Variants in CRMP1 observed in about 807,000 individuals in gnomAD.
The protein encoded by CRMP1 is dihydropyrimidinase-related protein 1.
CRMP1 carries 19 observed loss-of-function variants against 68.3 expected under a neutral mutation model. The observed-to-expected ratio is 0.28, with a 90% CI of 0.19 to 0.41. The LOEUF (loss-of-function observed/expected upper bound fraction) is 0.41, where lower values mean the gene tolerates loss of function less well. CRMP1 is among the 10% of genes least tolerant of loss of function. The pLI is 1.00. For synonymous variants in CRMP1, 439 were observed against 399.6 expected (o/e 1.10, Z -1.18); for missense variants, 791 against 967.4 (o/e 0.82, Z 2.42).
chr4:5,843,322 T>C lies in CRMP1; in HGVS notation c.964-161A>G, dbSNP rs1711932688. On this transcript the variant is annotated intron_variant, in intron 6 of 13. Transcript: ENST00000324989. The surrounding 1 kb of genome is among the most constrained non-coding windows in gnomAD (Gnocchi z 4.1). ...TGCGGGGTGGGGGCAGTGAACTGTG[T>C]CCCCTCCACTACACACCCATCCACC... 1.3e-5 allele frequency among the ~76,000 whole-genome samples: 2 copies of C among 151,930 alleles called. No homozygotes were observed. The highest frequency in any genetic ancestry group is 4.2e-4 in the South Asian group (2 of 4,802).
Position 5,841,556 on chromosome 4 carries a change from G to T in CRMP1, c.1033-128C>A. The T allele has an allele frequency of 6.9e-7, 1 of 1,443,268 alleles. No homozygotes were observed. The highest frequency in any genetic ancestry group is 9.5e-7 in the Non-Finnish European group (1 of 1,054,448). The allele number at this position is 1,443,268 out of a possible 1,614,324, so 89.4% of individuals were successfully genotyped here. On this transcript the variant is annotated intron_variant, in intron 7 of 13. Coordinates refer to ENST00000324989, the MANE Select transcript of CRMP1 (RefSeq NM_001014809.3). This position sits in a 1 kb window ranked among gnomAD's most constrained non-coding sequence, Gnocchi z 6.9. ...CCATTGAATGAGAAGGACATACTGA[G>T]TCCAACAGCGCTTGACAGTGCCCCC...
At chr4:5,864,102 G>A (rs1003050073) in intron 2 of CRMP1, among the ~76,000 whole-genome samples, 1 of 152,174 alleles carries the variant, frequency 6.6e-6, no homozygotes, top group African/African-American at 2.4e-5. Flanking sequence ...GACTCTTGAT[G>A]TTGACACATA....
chr4:5,885,919 T>C (rs182487687), intron 1 of CRMP1, among the ~76,000 whole-genome samples: 14 of 134,606 alleles, frequency 1.0e-4, no homozygotes, highest in Admixed American at 9.1e-4. Context: ...CACGTTAAGG[T>C]GCAGCCATTT....
At chr4:5,836,352 A>G (rs756116323) in intron 10 of CRMP1, among the ~76,000 whole-genome samples, 3 of 152,184 alleles carry the variant, frequency 2.0e-5, no homozygotes, top group Non-Finnish European at 4.4e-5. Flanking sequence ...ACAGAAGATT[A>G]AAAACCTTTG....
Position 5,853,037 on chromosome 4 carries a change from G to A in CRMP1, c.821-1568C>T, listed in dbSNP as rs1049298790. On this transcript the variant is annotated intron_variant, in intron 4 of 13. Coordinates refer to ENST00000324989, the MANE Select transcript of CRMP1 (RefSeq NM_001014809.3). This position sits in a 1 kb window ranked among gnomAD's most constrained non-coding sequence, Gnocchi z 4.7. ...AACAAGCCAGTCTGGAGGAGCAGGC[G>A]CATCCTGATGAGCCAGGCAGACAGC... Among the ~76,000 whole-genome samples the A allele has an allele frequency of 9.8e-5, 15 of 152,336 alleles. No homozygotes were observed. The highest frequency in any genetic ancestry group is 3.9e-4 in the East Asian group (2 of 5,186).
Position 5,866,748 on chromosome 4 carries a change from T to A in CRMP1, c.390A>T (p.Arg130=), listed in dbSNP as rs936295450. 10 of 1,610,018 alleles carry A rather than the reference T, an allele frequency of 6.2e-6. No homozygotes were observed. Among genetic ancestry groups the A allele is most frequent in the Non-Finnish European group, 8.5e-6 (10 of 1,178,280 alleles). The change falls in exon 2 of 14, where the codon CGA becomes CGT. Residue 130 remains arginine, a synonymous_variant. Coordinates refer to ENST00000324989, the MANE Select transcript of CRMP1 (RefSeq NM_001014809.3). The surrounding 1 kb of genome is among the most constrained non-coding windows in gnomAD (Gnocchi z 5.9). ...PLGRDNGQSD[R]LLIKGGRIIN... ...TGATCCGTCCACCTTTGATGAGGAGTCGGTCACTCTGCAAAGCAAGGCAAA... is the reference window on the plus strand; with the variant it reads ...TGATCCGTCCACCTTTGATGAGGAGACGGTCACTCTGCAAAGCAAGGCAAA...
rs755012630 is a variant in CRMP1 at position 5,841,406 on chromosome 4, C to T, written c.1055G>A (p.Arg352Gln). 1.9e-6 allele frequency: 3 copies of T among 1,614,156 alleles called. No individual in the cohort carries two copies. Among genetic ancestry groups the T allele is most frequent in the Non-Finnish European group, 2.5e-6 (3 of 1,180,024 alleles). ...PEELEAEAVF[R>Q]AITIAGRINC... Reference sequence around the variant, plus strand: ...GATCCGGCCCGCAATGGTGATGGCCCGGAACACCGCCTCGGCCTCCAGCTG... The same window carrying T: ...GATCCGGCCCGCAATGGTGATGGCCTGGAACACCGCCTCGGCCTCCAGCTG... Residue 352 changes from arginine to glutamine, a missense_variant, in exon 8 of 14, where the codon CGG (arginine) becomes CAG (glutamine). Arg to Gln is a conservative substitution (Grantham distance 43, BLOSUM62 1). Around this residue, in one of 3 missense-constraint regions of CRMP1, gnomAD observed 594 missense variants for 763.6 expected, o/e 0.78. Coordinates refer to ENST00000324989, the MANE Select transcript of CRMP1 (RefSeq NM_001014809.3). This position sits in a 1 kb window ranked among gnomAD's most constrained non-coding sequence, Gnocchi z 6.9.
Position 5,850,569 on chromosome 4 carries a change from G to C in CRMP1, c.882+839C>G, listed in dbSNP as rs555196206. On this transcript the variant is annotated intron_variant, in intron 5 of 13. Transcript: ENST00000324989. This position sits in a 1 kb window ranked among gnomAD's most constrained non-coding sequence, Gnocchi z 4.4. ...CCAATTACCCTGCTAACTGATGCCT[G>C]TATGGCACCATTCTCTGCTAGGCAC... 1.3e-5 allele frequency among the ~76,000 whole-genome samples: 2 copies of C among 152,250 alleles called. No homozygotes were observed. Among genetic ancestry groups the C allele is most frequent in the Admixed American group, 6.5e-5 (1 of 15,284 alleles).
In CRMP1 at chr4:5,839,486, C is replaced by G. The variant is rs765386980; in HGVS notation, c.1310+36G>C. On this transcript the variant is annotated intron_variant, in intron 9 of 13. Transcript: ENST00000324989. ...AACTCTCTGCCTCCAAAGGCCCCAG[C>G]TGCCTCCCCCAGCCCCACGTTCTCA... 15 of 1,575,550 alleles carry G rather than the reference C, an allele frequency of 9.5e-6. No homozygotes were observed. In the South Asian group the frequency reaches 1.2e-4, roughly 12 times the overall value.
At chr4:5,880,712 C>T (rs559375619) in intron 1 of CRMP1, among the ~76,000 whole-genome samples, 12 of 152,336 alleles carry the variant, frequency 7.9e-5, no homozygotes, top group Admixed American at 6.5e-4. Flanking sequence ...ACCTTCTTTT[C>T]GCTTTGAGCT....
In CRMP1 at chr4:5,841,160, G is replaced by GCCA; in HGVS notation, c.1153+145_1153+147dup. ...AGGTCATTGGGACCAAAGAATTCCAGCCACCATCCTTGTGTCAGGAGCATC... is the reference window on the plus strand; with the variant it reads ...AGGTCATTGGGACCAAAGAATTCCAGCCACCACCATCCTTGTGTCAGGAGCATC... On this transcript the variant is annotated intron_variant, in intron 8 of 13. Coordinates refer to ENST00000324989, the MANE Select transcript of CRMP1 (RefSeq NM_001014809.3). The surrounding 1 kb of genome is among the most constrained non-coding windows in gnomAD (Gnocchi z 6.9). 4 of 1,200,342 alleles carry GCCA rather than the reference G, an allele frequency of 3.3e-6. No homozygotes were observed. Among genetic ancestry groups the GCCA allele is most frequent in the Non-Finnish European group, 4.8e-6 (4 of 835,686 alleles). The allele number at this position is 1,200,342 out of a possible 1,614,324, so 74.4% of individuals were successfully genotyped here. A position where few individuals can be genotyped will look rare whatever the true frequency, so the allele number is the denominator to read the frequency against.
rs190025721 is a variant in CRMP1 at position 5,825,862 on chromosome 4, T to C, written c.1804-203A>G. On this transcript the variant is annotated intron_variant, in intron 12 of 13. Transcript: ENST00000324989. This position sits in a 1 kb window ranked among gnomAD's most constrained non-coding sequence, Gnocchi z 4.4. ...AGGCATTCATACACACAAGCATGCA[T>C]ACACACACATCTACATACCCACATG... 1.4e-3 allele frequency: 769 copies of C among 552,870 alleles called. 8 individuals carry two copies. The highest frequency in any genetic ancestry group is 0.013 in the African/African-American group (629 of 47,834). 34.2% of individuals were successfully genotyped at this position (552,870 alleles called of 1,614,324 possible).
At chr4:5,837,609 CA>C in intron 9 of CRMP1, among the ~76,000 whole-genome samples, 1 of 111,926 alleles carries the variant, frequency 8.9e-6, no homozygotes, top group South Asian at 2.7e-4. Flanking sequence ...GCCTGGGCGA[CA>C]AGAGCAAAAC....
chr4:5,849,785 C>CT (rs1321061723), intron 5 of CRMP1, among the ~76,000 whole-genome samples: 1 of 152,130 alleles, frequency 6.6e-6, no homozygotes, highest in Non-Finnish European at 1.5e-5. Flanking sequence ...TTTGGGTTGG[C>CT]TTTTTTGAAA....
intron 5 of CRMP1, 129 bp from the exon 6 acceptor site, chr4:5,849,601 C>T (rs931605004): frequency 1.6e-6 from 1 of 630,550 alleles, no homozygotes; most frequent in Non-Finnish European, 2.8e-6. Flanking sequence ...CAAACACATT[C>T]ATGTGGATGG....
At position 5,861,619 on chromosome 4, in the gene CRMP1, G is replaced by T. The variant is rs528683306; in HGVS notation, c.471-409C>A. Among the ~76,000 whole-genome samples, 128 of 152,258 alleles carry T rather than the reference G, an allele frequency of 8.4e-4. No individual in the cohort carries two copies. The highest frequency in any genetic ancestry group is 2.6e-3 in the Admixed American group (39 of 15,292). ...CCTCCAGGAGGTTAAATTCCAAATG[G>T]GGAAGGAGGGAAAAGAGCCTACGAA... On this transcript the variant is annotated intron_variant, in intron 2 of 13. Transcript: ENST00000324989. The surrounding 1 kb of genome is among the most constrained non-coding windows in gnomAD (Gnocchi z 6.0).
Position 5,881,100 on chromosome 4 carries a change from C to T in CRMP1, c.381+11489G>A, listed in dbSNP as rs1283295725. Among the ~76,000 whole-genome samples, 2 of 152,232 alleles carry T rather than the reference C, an allele frequency of 1.3e-5. No individual in the cohort carries two copies. Among genetic ancestry groups the T allele is most frequent in the Admixed American group, 1.3e-4 (2 of 15,284 alleles). Reference sequence around the variant, plus strand: ...GCTGATACAAAGGCAGAGGGCCACACATGGTGTGCCAGGTCAAGGCGAATG... The same window carrying T: ...GCTGATACAAAGGCAGAGGGCCACATATGGTGTGCCAGGTCAAGGCGAATG... On this transcript the variant is annotated intron_variant, in intron 1 of 13. Coordinates refer to ENST00000324989, the MANE Select transcript of CRMP1 (RefSeq NM_001014809.3). The surrounding 1 kb of genome is among the most constrained non-coding windows in gnomAD (Gnocchi z 4.6).
At chr4:5,840,135 G>C (rs1711599804) in intron 8 of CRMP1, among the ~76,000 whole-genome samples, 1 of 152,174 alleles carries the variant, frequency 6.6e-6, no homozygotes, top group South Asian at 2.1e-4. Context: ...AGGGAAAGCA[G>C]CCAATAAAGG....
At chr4:5,837,251 A>C (rs1720782423) in intron 9 of CRMP1, among the ~76,000 whole-genome samples, 1 of 152,150 alleles carries the variant, frequency 6.6e-6, no homozygotes, top group Non-Finnish European at 1.5e-5. Flanking sequence ...GTTCACTGGG[A>C]TTTACCCTTT....
Sources: gnomAD v4.1 joint callset for allele counts (sites outside exome capture counted in the v4.1 genomes callset) on GRCh38, gnomAD v4.1.1 for gene constraint, gnomAD v4.1.1 regional missense constraint, Gnocchi (gnomAD v3.1) non-coding constraint, MANE v1.5 for transcripts, NCBI Gene and HGNC (gene_info 2026-07-23, HGNC 2026-07-21) for gene names.